Variants in ZNHIT3 observed in about 807,000 individuals in gnomAD.
ZNHIT3 encodes the protein zinc finger HIT domain-containing protein 3.
ZNHIT3 carries 27 observed loss-of-function variants against 19.9 expected under a neutral mutation model. The observed-to-expected ratio is 1.36, with a 90% CI of 1.00 to 1.87. The LOEUF (loss-of-function observed/expected upper bound fraction) is 1.87. Among genes scored for constraint, ZNHIT3 ranks in the 40% most tolerant of loss-of-function variants. The probability of loss-of-function intolerance (pLI) is 0.00; values close to 1 mark genes in which losing one functional copy is unlikely to be tolerated. For synonymous variants in ZNHIT3, 81 were observed against 65.7 expected, an observed-to-expected ratio of 1.23 and a Z score of -1.13; for missense variants, 215 against 185.6, an observed-to-expected ratio of 1.16 and a Z score of -0.92.
downstream of ZNHIT3, chr17:36,498,367 C>A (rs889893403): frequency 6.2e-7 from 1 of 1,614,016 alleles, no homozygotes; most frequent in Admixed American, 1.7e-5. Context: ...CAAGCCCAGA[C>A]CACTAATTTC....
chr17:36,490,342 T>C (rs922957118), intron 2 of ZNHIT3: 3 of 152,222 alleles, frequency 2.0e-5, no homozygotes, highest in East Asian at 1.9e-4. Flanking sequence ...TGAAGAGTGC[T>C]TTTTTCCCCA....
Position 36,486,909 on chromosome 17 carries a change from G to A in ZNHIT3, c.87-26G>A, listed in dbSNP as rs1460644889. The stretch of plus-strand genomic sequence containing the variant: ...GGGGCCGGGGACCCTCGGGGCTGAC[G>A]CGGCCTGTGGCCTCTGTTGTTACAG... On this transcript the variant is annotated intron_variant, in intron 1 of 4. Coordinates refer to ENST00000617429, the MANE Select transcript of ZNHIT3 (RefSeq NM_004773.4). The A allele has an allele frequency of 3.7e-6, 6 of 1,603,464 alleles. No individual in the cohort carries two copies. In the East Asian group the frequency reaches 1.4e-4, roughly 37 times the overall value.
chr17:36,496,418 A>G, downstream of ZNHIT3: 1 of 1,613,620 alleles, frequency 6.2e-7, no homozygotes. Flanking sequence ...TAGAGGGGAG[A>G]GAGAGATGCA....
chr17:36,492,722 T>G, intron 2 of ZNHIT3, 91 bp from the exon 3 acceptor site: 1 of 1,139,986 alleles, frequency 8.8e-7, no homozygotes, highest in Non-Finnish European at 1.3e-6. Context: ...CCCAGACACT[T>G]GCTTCCTACC....
chr17:36,496,398 T>G (rs1245992556), downstream of ZNHIT3: 1 of 1,613,908 alleles, frequency 6.2e-7, no homozygotes, highest in Non-Finnish European at 8.5e-7. Flanking sequence ...AGTGAAACTT[T>G]ATCGATCCCT....
At chr17:36,487,409 A>T (rs913647505) in intron 2 of ZNHIT3, among the ~76,000 whole-genome samples, 1 of 152,256 alleles carries the variant, frequency 6.6e-6, no homozygotes, top group Non-Finnish European at 1.5e-5. Context: ...AAGTCCATGT[A>T]CAATACAAGG....
At chr17:36,496,735 T>G (rs941580831), downstream of ZNHIT3, among the ~76,000 whole-genome samples, 1 of 152,198 alleles carries the variant, frequency 6.6e-6, no homozygotes, top group Non-Finnish European at 1.5e-5. Flanking sequence ...TTCCTCTGAA[T>G]GGAAATTTGG....
chr17:36,493,442 C>G (rs1390184177), intron 3 of ZNHIT3, among the ~76,000 whole-genome samples: 5 of 152,244 alleles, frequency 3.3e-5, no homozygotes, highest in African/African-American at 1.2e-4. Context: ...ATTGAACATT[C>G]ACTCCAAAGG....
downstream of ZNHIT3, chr17:36,499,192 T>C (rs1689549597): frequency 6.5e-7 from 1 of 1,548,116 alleles, no homozygotes; most frequent in African/African-American, 1.4e-5. Context: ...AGGAAAGAGA[T>C]AATAAAGGGG....
chr17:36,499,263 T>C, downstream of ZNHIT3: 2 of 779,596 alleles, frequency 2.6e-6, no homozygotes, highest in South Asian at 3.3e-5. Flanking sequence ...AAGTTTCAAA[T>C]ACGTTTTTTT....
downstream of ZNHIT3, chr17:36,497,919 T>C (rs941028084): frequency 3.8e-6 from 1 of 263,302 alleles, no homozygotes; most frequent in Admixed American, 4.8e-5. Flanking sequence ...TGCTCCTGAC[T>C]CATCTAAAGC....
chr17:36,498,711 CCAT>C, downstream of ZNHIT3: 6 of 802,086 alleles, frequency 7.5e-6, no homozygotes, highest in Non-Finnish European at 1.2e-5. Flanking sequence ...CAAACTGGTT[CCAT>C]ATGCCACAAG....
At chr17:36,499,214 G>A (rs1567728041), downstream of ZNHIT3, 2 of 1,356,154 alleles carry the variant, frequency 1.5e-6, no homozygotes, top group Non-Finnish European at 2.1e-6. Context: ...CATTAGAGCT[G>A]TCAGTGACCT....
chr17:36,498,587 T>A, downstream of ZNHIT3: 1 of 1,580,112 alleles, frequency 6.3e-7, no homozygotes, highest in Non-Finnish European at 8.6e-7. Context: ...CCTTTATAGC[T>A]TTAGATTTAT....
chr17:36,488,093 C>CAA (rs369196891), intron 2 of ZNHIT3, among the ~76,000 whole-genome samples: 16 of 84,918 alleles, frequency 1.9e-4, no homozygotes, highest in East Asian at 7.3e-4. Flanking sequence ...AAGACTGTCT[C>CAA]AAAAAAAAAA....
At chr17:36,498,092 C>T (rs908305377), downstream of ZNHIT3, 2 of 637,850 alleles carry the variant, frequency 3.1e-6, no homozygotes, top group African/African-American at 3.6e-5. Flanking sequence ...CCAGTTATAA[C>T]AAAATAAATA....
Position 36,486,711 on chromosome 17 carries a change from C to T in ZNHIT3, c.12C>T (p.Leu4=), listed in dbSNP as rs749986394. 6.2e-7 allele frequency: 1 copy of T among 1,613,758 alleles called. No individual in the cohort carries two copies. The highest frequency in any genetic ancestry group is 8.5e-7 in the Non-Finnish European group (1 of 1,179,934). The part of the protein sequence containing the change: MAS[L]KCSTVVCVIC... ...CCTTCCACAAAACCATGGCGTCGCTCAAATGTAGCACCGTCGTCTGCGTGA... is the reference window on the plus strand; with the variant it reads ...CCTTCCACAAAACCATGGCGTCGCTTAAATGTAGCACCGTCGTCTGCGTGA... The change falls in exon 1 of 5, where the codon CTC becomes CTT. Residue 4 remains leucine (L), a synonymous_variant. Transcript: ENST00000617429.
At chr17:36,492,967 G>A (rs1300119216) in intron 3 of ZNHIT3, 68 bp downstream of exon 3, 7 of 1,431,578 alleles carry the variant, frequency 4.9e-6, no homozygotes, top group Non-Finnish European at 6.9e-6. Flanking sequence ...GAAAAGGGGA[G>A]AGTGGGGCTG....
At chr17:36,496,083 C>G, downstream of ZNHIT3, 3 of 954,016 alleles carry the variant, frequency 3.1e-6, no homozygotes, top group South Asian at 5.0e-5. Context: ...GAACCCCAGG[C>G]CCACTGACGC....
Sources: gnomAD v4.1 joint callset for allele counts (sites outside exome capture counted in the v4.1 genomes callset) on GRCh38, gnomAD v4.1.1 for gene constraint, MANE v1.5 for transcripts, NCBI Gene and HGNC (gene_info 2026-07-23, HGNC 2026-07-21) for gene names.